Variants in MLLT1 observed in about 807,000 individuals in gnomAD.
The protein encoded by MLLT1 is MLLT1 super elongation complex subunit, also known as protein ENL.
In MLLT1, 11 loss-of-function variants were observed where a neutral mutation model predicts 55.1. The observed-to-expected ratio is 0.20, with a 90% confidence interval of 0.13 to 0.33. MLLT1 has a LOEUF of 0.33. MLLT1 is among the 10% of genes least tolerant of loss of function. MLLT1 has a pLI of 1.00. For missense variants in MLLT1, 536 were observed against 760.6 expected, an observed-to-expected ratio of 0.70 and a Z score of 3.47; for synonymous variants, 323 against 320.1, an observed-to-expected ratio of 1.01 and a Z score of -0.10.
In MLLT1 at chr19:6,262,410, C is replaced by T; in HGVS notation, c.194-100G>A. On this transcript the variant is annotated intron_variant, in intron 2 of 11. Coordinates refer to ENST00000252674, the MANE Select transcript of MLLT1 (RefSeq NM_005934.4). The surrounding 1 kb of genome is among the most constrained non-coding windows in gnomAD (Gnocchi z 4.4). ...ACCCCTCAACCCCACCACCTCCTCA[C>T]AGGGGCTTGGCTGGCCTCTCGGGGG... The T allele has an allele frequency of 1.0e-6, 1 of 995,038 alleles. No individual in the cohort carries two copies. The highest frequency in any genetic ancestry group is 1.5e-6 in the Non-Finnish European group (1 of 654,748). The allele number at this position is 995,038 out of a possible 1,614,324, so 61.6% of individuals were successfully genotyped here.
chr19:6,234,915 A>C (rs1252430011), intron 3 of MLLT1, among the ~76,000 whole-genome samples: 2 of 152,114 alleles, frequency 1.3e-5, no homozygotes, highest in Non-Finnish European at 2.9e-5. Context: ...AAAAAAAAAA[A>C]CAAGACTTTA....
intron 6 of MLLT1, among the ~76,000 whole-genome samples, chr19:6,221,769 G>A (rs984083011): frequency 6.6e-6 from 1 of 152,218 alleles, no homozygotes; most frequent in Non-Finnish European, 1.5e-5. Flanking sequence ...CATGAGACAC[G>A]CTTGCCCACT....
In MLLT1 at chr19:6,213,031, G is replaced by A. The variant is rs778607196; in HGVS notation, c.*11C>T. ...GACCCCGGCGGTGGGGGCCCGGCAC[G>A]CGGCCCAGGGTCATGTGGCCACGGC... On this transcript the variant is annotated 3_prime_UTR_variant, in exon 12 of 12. Transcript: ENST00000252674. 2.2e-5 allele frequency: 35 copies of A among 1,611,768 alleles called. 1 individual carries two copies. The highest frequency in any genetic ancestry group is 1.3e-4 in the Admixed American group (8 of 59,774).
intron 3 of MLLT1, among the ~76,000 whole-genome samples, chr19:6,257,899 A>C (rs1032190489): frequency 5.9e-5 from 9 of 152,222 alleles, no homozygotes; most frequent in Non-Finnish European, 1.3e-4. Context: ...GTGAAACATC[A>C]CGGGTCATCA....
At chr19:6,257,830 A>C (rs921432430) in intron 3 of MLLT1, among the ~76,000 whole-genome samples, 2 of 152,196 alleles carry the variant, frequency 1.3e-5, no homozygotes, top group African/African-American at 2.4e-5. Context: ...TGGGCAATGG[A>C]TATATCTAGA....
chr19:6,237,495 C>T (rs1288181868), intron 3 of MLLT1, among the ~76,000 whole-genome samples: 1 of 151,956 alleles, frequency 6.6e-6, no homozygotes, highest in Non-Finnish European at 1.5e-5. Context: ...CGGTGGCTCA[C>T]GCCTGTAATC....
chr19:6,271,045 T>A (rs1374205708), intron 1 of MLLT1, among the ~76,000 whole-genome samples: 1 of 151,936 alleles, frequency 6.6e-6, no homozygotes, highest in Admixed American at 6.6e-5. Flanking sequence ...TCAGCCCAGC[T>A]CACTCCTGCC....
At position 6,219,105 on chromosome 19, in the gene MLLT1, T is replaced by C. The variant is rs2090872030; in HGVS notation, c.1111-1064A>G. 6.6e-6 allele frequency among the ~76,000 whole-genome samples: 1 copy of C among 152,094 alleles called. No homozygotes were observed. Among genetic ancestry groups the C allele is most frequent in the African/African-American group, 2.4e-5 (1 of 41,412 alleles). The stretch of plus-strand genomic sequence containing the variant: ...GCCTGGGAGCCCCCGGCCCCTCCCC[T>C]AGCATGTGGAGGAGACAGCCTCCAC... On this transcript the variant is annotated intron_variant, in intron 6 of 11. Transcript: ENST00000252674. This position sits in a 1 kb window ranked among gnomAD's most constrained non-coding sequence, Gnocchi z 4.5.
At position 6,270,852 on chromosome 19, in the gene MLLT1, C is replaced by A; in HGVS notation, c.13-93G>T. 8.1e-7 allele frequency: 1 copy of A among 1,239,480 alleles called. No homozygotes were observed. The highest frequency in any genetic ancestry group is 1.5e-5 in the South Asian group (1 of 68,542). 76.8% of individuals were successfully genotyped at this position (1,239,480 alleles called of 1,614,324 possible). A position where few individuals can be genotyped will look rare whatever the true frequency, so the allele number is the denominator to read the frequency against. ...CACAGAGAACTTTCGATAAAGACCCCCAGCAGTGCAATACGCTCTCAACCC... is the reference window on the plus strand; with the variant it reads ...CACAGAGAACTTTCGATAAAGACCCACAGCAGTGCAATACGCTCTCAACCC... On this transcript the variant is annotated intron_variant, in intron 1 of 11. Transcript: ENST00000252674. This position sits in a 1 kb window ranked among gnomAD's most constrained non-coding sequence, Gnocchi z 7.1.
rs541835688 is a variant in MLLT1, at chr19:6,244,230, CAA to C, written c.277-13519_277-13518del. Among the ~76,000 whole-genome samples, 1,343 of 152,032 alleles carry C rather than the reference CAA, an allele frequency of 8.8e-3. 12 individuals carry two copies. The highest frequency in any genetic ancestry group is 0.013 in the Non-Finnish European group (885 of 67,982). On this transcript the variant is annotated intron_variant, in intron 3 of 11. Transcript: ENST00000252674. ...TTGCCCTGTCAGTCTGTGAACTCCA[CAA>C]GAGAGGGGAACGTGTTCACTTGGTC...
chr19:6,262,373 C>T lies in MLLT1; in HGVS notation c.194-63G>A, dbSNP rs867306408. ...TGCCTGTTTCAGGCCCAGCTGCCAG[C>T]GGCAGTACCGCACCCCTCAACCCCA... On this transcript the variant is annotated intron_variant, in intron 2 of 11. Coordinates refer to ENST00000252674, the MANE Select transcript of MLLT1 (RefSeq NM_005934.4). This position sits in a 1 kb window ranked among gnomAD's most constrained non-coding sequence, Gnocchi z 4.4. 9 of 1,426,684 alleles carry T rather than the reference C, an allele frequency of 6.3e-6. No homozygotes were observed. The highest frequency in any genetic ancestry group is 4.6e-5 in the East Asian group (2 of 43,824). The allele number at this position is 1,426,684 out of a possible 1,614,324, so 88.4% of individuals were successfully genotyped here.
At chr19:6,249,933 G>A (rs1292980133) in intron 3 of MLLT1, among the ~76,000 whole-genome samples, 1 of 152,006 alleles carries the variant, frequency 6.6e-6, no homozygotes, top group Non-Finnish European at 1.5e-5. Flanking sequence ...GAGGTGGGAG[G>A]ATTGCTTGAG....
rs1466900438 is a variant in MLLT1 at position 6,217,964 on chromosome 19, G to C, written c.1188C>G (p.Asn396Lys). The change falls in exon 7 of 12, where the codon AAC (asparagine) becomes AAG (lysine). Residue 396 changes from asparagine to lysine, a missense_variant. Transcript: ENST00000252674. Reference protein sequence around the residue: ...SSDSDFEPSQNHSQGPLRSMV... With the variant: ...SSDSDFEPSQKHSQGPLRSMV... ...GCTCTCCATACACACCTTGGCTGTG[G>C]TTCTGGGATGGCTCGAAGTCTGAGT... The C allele has an allele frequency of 6.8e-6, 11 of 1,605,938 alleles. No homozygotes were observed. Among genetic ancestry groups the C allele is most frequent in the African/African-American group, 2.7e-5 (2 of 74,358 alleles).
At chr19:6,244,599 T>C (rs927708184) in intron 3 of MLLT1, among the ~76,000 whole-genome samples, 5 of 152,042 alleles carry the variant, frequency 3.3e-5, no homozygotes, top group African/African-American at 1.2e-4. Flanking sequence ...TAAAAAACGT[T>C]TGCTAGACAA....
intron 1 of MLLT1, among the ~76,000 whole-genome samples, chr19:6,277,665 C>T (rs1316595267): frequency 6.6e-6 from 1 of 152,132 alleles, no homozygotes; most frequent in Non-Finnish European, 1.5e-5. Flanking sequence ...GCCACCCAGA[C>T]CTCCAGGGTT....
At chr19:6,265,035 C>A (rs1273871625) in intron 2 of MLLT1, among the ~76,000 whole-genome samples, 4 of 38,948 alleles carry the variant, frequency 1.0e-4, no homozygotes, top group Non-Finnish European at 1.4e-4. Context: ...ACATAGTGAA[C>A]AGCAAAAAAA....
At chr19:6,213,873 G>A in intron 9 of MLLT1, 66 bp downstream of exon 9, 2 of 1,559,364 alleles carry the variant, frequency 1.3e-6, no homozygotes, top group Admixed American at 3.5e-5. Flanking sequence ...AACCCTCCTA[G>A]GACAGCCCGG....
intron 6 of MLLT1, among the ~76,000 whole-genome samples, chr19:6,221,587 T>C (rs1453938945): frequency 6.6e-6 from 1 of 152,166 alleles, no homozygotes. Context: ...GCAGGAGGGA[T>C]GCTCTTGACC....
At position 6,211,390 on chromosome 19, in the gene MLLT1, C is replaced by T. The variant is rs2090769277; in HGVS notation, c.*1652G>A. ...GTTCTCGGGCCTTTCCCCGAGAGTT[C>T]TGGGGAGTTTCCCCAGGACAGCTGG... On this transcript the variant is annotated 3_prime_UTR_variant, in exon 12 of 12. Coordinates refer to ENST00000252674, the MANE Select transcript of MLLT1 (RefSeq NM_005934.4). This position sits in a 1 kb window ranked among gnomAD's most constrained non-coding sequence, Gnocchi z 4.6. 4.2e-6 allele frequency: 1 copy of T among 238,548 alleles called. No homozygotes were observed. The highest frequency in any genetic ancestry group is 8.1e-6 in the Non-Finnish European group (1 of 123,156). The allele number at this position is 238,548 out of a possible 1,614,324, so 14.8% of individuals were successfully genotyped here.
Sources: gnomAD v4.1 joint callset for allele counts (sites outside exome capture counted in the v4.1 genomes callset) on GRCh38, gnomAD v4.1.1 for gene constraint, Gnocchi (gnomAD v3.1) non-coding constraint, MANE v1.5 for transcripts, NCBI Gene and HGNC (gene_info 2026-07-23, HGNC 2026-07-21) for gene names.